The following GABRB1 variants were observed in gnomAD, a reference collection of about 807,000 sequenced individuals.
GABRB1 encodes the protein gamma-aminobutyric acid type A receptor subunit beta1.
A neutral mutation model predicts 51.6 loss-of-function variants in GABRB1; 17 were observed. The ratio of observed to expected loss-of-function variants is 0.33; its 90% confidence interval spans 0.23 to 0.49. GABRB1 has a LOEUF of 0.49. Among genes scored for constraint, GABRB1 ranks in the 20% least tolerant of loss-of-function variants. The pLI, the probability that GABRB1 is intolerant of heterozygous loss-of-function variation, is 0.99. For missense variants in GABRB1, 410 were observed against 600.6 expected, an observed-to-expected ratio of 0.68 and a Z score of 3.32; for synonymous variants, 247 against 218.9, an observed-to-expected ratio of 1.13 and a Z score of -1.14.
chr4:47,272,786 A>G (rs888042128), intron 4 of GABRB1, among the ~76,000 whole-genome samples: 15 of 152,272 alleles, frequency 9.9e-5, no homozygotes, highest in Middle Eastern at 3.4e-3. Flanking sequence ...TTGAACAAGT[A>G]GGTTGTTTCC....
chr4:47,124,953 G>A (rs1716049047), intron 3 of GABRB1, among the ~76,000 whole-genome samples: 1 of 152,142 alleles, frequency 6.6e-6, no homozygotes. Flanking sequence ...AAAAATAATG[G>A]GAGGGGTATG....
At chr4:47,257,218 T>C (rs1417241588) in intron 4 of GABRB1, among the ~76,000 whole-genome samples, 6 of 152,206 alleles carry the variant, frequency 3.9e-5, no homozygotes, top group Non-Finnish European at 1.5e-5. Context: ...GACCTATCTA[T>C]ACAACGTTTT....
chr4:47,074,770 C>A (rs1237697830), intron 3 of GABRB1, among the ~76,000 whole-genome samples: 1 of 152,126 alleles, frequency 6.6e-6, no homozygotes, highest in Non-Finnish European at 1.5e-5. Flanking sequence ...TGGAAAGGAG[C>A]TAAAGCTAAA....
At chr4:47,160,871 C>T (rs1225664216) in intron 3 of GABRB1, among the ~76,000 whole-genome samples, 1 of 151,984 alleles carries the variant, frequency 6.6e-6, no homozygotes, top group Non-Finnish European at 1.5e-5. Flanking sequence ...ACTGCAGCCT[C>T]AGTCTCCTGG....
intron 4 of GABRB1, among the ~76,000 whole-genome samples, chr4:47,306,540 C>A (rs904374193): frequency 1.5e-4 from 23 of 151,806 alleles, no homozygotes; most frequent in African/African-American, 5.6e-4. Flanking sequence ...AATCCAATAC[C>A]ACCTTCATCC....
intron 5 of GABRB1, among the ~76,000 whole-genome samples, chr4:47,365,462 G>A (rs1157139142): frequency 6.6e-6 from 1 of 152,094 alleles, no homozygotes; most frequent in Non-Finnish European, 1.5e-5. Context: ...AGAGGGATTT[G>A]GGGTAAGGAT....
chr4:47,080,135 A>T (rs1390442118), intron 3 of GABRB1, among the ~76,000 whole-genome samples: 1 of 152,142 alleles, frequency 6.6e-6, no homozygotes, highest in African/African-American at 2.4e-5. Flanking sequence ...AATATCTCTA[A>T]TATCAATCCA....
intron 8 of GABRB1, among the ~76,000 whole-genome samples, chr4:47,412,155 A>C (rs547717998): frequency 6.8e-4 from 103 of 152,224 alleles, no homozygotes; most frequent in African/African-American, 2.5e-3. Context: ...GTTTATTTGT[A>C]TAATTATCTT....
chr4:47,397,880 A>G (rs1417709489), intron 5 of GABRB1, among the ~76,000 whole-genome samples: 1 of 151,874 alleles, frequency 6.6e-6, no homozygotes, highest in African/African-American at 2.4e-5. Flanking sequence ...GCCTATTTCT[A>G]CTATTTTTTC....
chr4:47,031,315 C>A (rs893785954), upstream of GABRB1: 2 of 289,998 alleles, frequency 6.9e-6, no homozygotes, highest in Admixed American at 4.9e-5. Flanking sequence ...GTAAAAAAAA[C>A]AAAATCAGGT....
At position 47,194,925 on chromosome 4, in the gene GABRB1, T is replaced by G. The variant is rs565688803; in HGVS notation, c.461+33456T>G. 5.9e-5 allele frequency among the ~76,000 whole-genome samples: 9 copies of G among 152,284 alleles called. No homozygotes were observed. In the East Asian group the frequency reaches 1.4e-3, roughly 23 times the overall value. On this transcript the variant is annotated intron_variant, in intron 4 of 8. Coordinates refer to ENST00000295454, the MANE Select transcript of GABRB1 (RefSeq NM_000812.4). ...TTTAGGAGTCCAAAGGTTTTACAAT[T>G]TAATACATAATTGCTAGGCTCCTCC... is the stretch of plus-strand genomic sequence containing the variant.
intron 3 of GABRB1, among the ~76,000 whole-genome samples, chr4:47,084,018 A>G (rs1033844341): frequency 2.0e-5 from 3 of 152,192 alleles, no homozygotes; most frequent in Non-Finnish European, 2.9e-5. Context: ...CAAAAATAAG[A>G]AAAGAAATAT....
chr4:47,320,634 GA>G (rs1156378986), intron 5 of GABRB1, among the ~76,000 whole-genome samples: 1 of 152,164 alleles, frequency 6.6e-6, no homozygotes, highest in Non-Finnish European at 1.5e-5. Flanking sequence ...CTTTCCTCAT[GA>G]AAAGAAAAAG....
chr4:47,171,659 CATT>C (rs1463942263), intron 4 of GABRB1, among the ~76,000 whole-genome samples: 2 of 152,052 alleles, frequency 1.3e-5, no homozygotes, highest in Non-Finnish European at 2.9e-5. Flanking sequence ...TATGGGAAAT[CATT>C]ATGTTTAAAT....
At chr4:47,009,038 T>A (rs983301134) in intron 1 of GABRB1, among the ~76,000 whole-genome samples, 2 of 148,200 alleles carry the variant, frequency 1.3e-5, no homozygotes, top group East Asian at 2.0e-4. Context: ...TAATTTTTTG[T>A]ATTTTTTAGT....
intron 5 of GABRB1, among the ~76,000 whole-genome samples, chr4:47,328,926 A>AG (rs1725357694): frequency 6.6e-6 from 1 of 152,080 alleles, no homozygotes; most frequent in Non-Finnish European, 1.5e-5. Context: ...ATAAAAAAAA[A>AG]AAAAGAAATA....
In GABRB1 at chr4:47,292,921, C is replaced by A. The variant is rs150420880; in HGVS notation, c.462-27206C>A. Among the ~76,000 whole-genome samples, 332 of 152,272 alleles carry A rather than the reference C, an allele frequency of 2.2e-3. 3 individuals are homozygous for A. Among genetic ancestry groups the A allele is most frequent in the African/African-American group, 7.0e-3 (292 of 41,540 alleles). On this transcript the variant is annotated intron_variant, in intron 4 of 8. Transcript: ENST00000295454. ...ATTCATGAGGGTGGAGCACTCATGG[C>A]CAAGTCACCTCTTAATAGTCCAACC...
At chr4:47,122,761 T>G (rs1041206981) in intron 3 of GABRB1, among the ~76,000 whole-genome samples, 7 of 152,180 alleles carry the variant, frequency 4.6e-5, no homozygotes, top group Non-Finnish European at 7.3e-5. Context: ...GATGAAGCCT[T>G]GCTGAAGTGA....
intron 4 of GABRB1, among the ~76,000 whole-genome samples, chr4:47,205,284 GA>G (rs1347429157): frequency 6.6e-6 from 1 of 152,128 alleles, no homozygotes. Context: ...AAATGTAACA[GA>G]GAAGACAAAA....
Sources: gnomAD v4.1 joint callset for allele counts (sites outside exome capture counted in the v4.1 genomes callset) on GRCh38, gnomAD v4.1.1 for gene constraint, MANE v1.5 for transcripts, NCBI Gene and HGNC (gene_info 2026-07-23, HGNC 2026-07-21) for gene names.